The following ADAMTS16 variants were observed in gnomAD, a reference collection of about 807,000 sequenced individuals.
ADAMTS16 encodes the protein A disintegrin and metalloproteinase with thrombospondin motifs 16.
Under a neutral mutation model 145.8 loss-of-function variants are expected in ADAMTS16, and 94 were observed. The ratio of observed to expected loss-of-function variants is 0.64; its 90% CI spans 0.55 to 0.77. The LOEUF (loss-of-function observed/expected upper bound fraction) is 0.77, where lower values mean the gene tolerates loss of function less well. Among genes scored for constraint, ADAMTS16 ranks in the 30% least tolerant of loss-of-function variants. The pLI, the probability that ADAMTS16 is intolerant of heterozygous loss-of-function variation, is 0.00. For missense variants in ADAMTS16, 1,585 were observed against 1,591.5 expected (o/e 1.00, Z 0.07); for synonymous variants, 659 against 604.3 (o/e 1.09, Z -1.33).
intron 3 of ADAMTS16, among the ~76,000 whole-genome samples, chr5:5,165,683 C>T (rs948975076): frequency 6.6e-6 from 1 of 152,192 alleles, no homozygotes; most frequent in African/African-American, 2.4e-5. Context: ...TAAGTGCCAA[C>T]TTGATGAGCT....
At chr5:5,156,399 T>C (rs1734603962) in intron 3 of ADAMTS16, among the ~76,000 whole-genome samples, 1 of 152,212 alleles carries the variant, frequency 6.6e-6, no homozygotes, top group South Asian at 2.1e-4. Context: ...ACAAGACTTC[T>C]GTTGCCTTAC....
intron 11 of ADAMTS16, 184 bp downstream of exon 11, chr5:5,223,068 C>A: frequency 3.6e-6 from 2 of 558,576 alleles, no homozygotes. Context: ...CCTTTTCTCA[C>A]TTTTGTGAAA....
intron 11 of ADAMTS16, among the ~76,000 whole-genome samples, chr5:5,224,493 T>C (rs1736696833): frequency 6.6e-6 from 1 of 152,170 alleles, no homozygotes; most frequent in Non-Finnish European, 1.5e-5. Context: ...TTTCACCATG[T>C]TGGTCAGGCT....
In ADAMTS16 at chr5:5,303,676, C is replaced by T. The variant is rs1392111856; in HGVS notation, c.3096C>T (p.Ser1032=). 1.6e-5 allele frequency: 26 copies of T among 1,613,760 alleles called. No homozygotes were observed. The highest frequency in any genetic ancestry group is 1.3e-4 in the East Asian group (6 of 44,898). Residue 1032 remains serine, a synonymous_variant, in exon 20 of 23, where the codon TCC becomes TCT. Transcript: ENST00000274181. ...AQLLPDAVCT[S]EPKPRMHEAC... ...TGCTGCCCGACGCTGTCTGCACCTC[C>T]GAGCCCAAGCCCAGGATGCATGAAG...
chr5:5,215,196 T>C (rs1034194742), intron 10 of ADAMTS16, among the ~76,000 whole-genome samples: 8 of 152,252 alleles, frequency 5.3e-5, no homozygotes, highest in Non-Finnish European at 1.0e-4. Flanking sequence ...TACATACTTA[T>C]GTATAATATG....
chr5:5,255,390 A>G (rs1401379761), intron 17 of ADAMTS16, among the ~76,000 whole-genome samples: 3 of 152,266 alleles, frequency 2.0e-5, no homozygotes, highest in African/African-American at 7.2e-5. Flanking sequence ...AGAGATTGAA[A>G]GAGTAAAGGC....
At chr5:5,237,923 CACATTGCATGTAGACA>C (rs1027061517) in intron 14 of ADAMTS16, among the ~76,000 whole-genome samples, 3 of 152,170 alleles carry the variant, frequency 2.0e-5, no homozygotes, top group African/African-American at 7.2e-5. Flanking sequence ...GCAGATCAAA[CACATTGCATGTAGACA>C]ATGGGGTTTC....
rs540790480 is a variant in ADAMTS16, at chr5:5,275,717, C to T, written c.2789+12934C>T. Among the ~76,000 whole-genome samples, 11 of 152,252 alleles carry T rather than the reference C, an allele frequency of 7.2e-5. 1 individual carries two copies. The South Asian group carries it at 1.0e-3, about 14-fold the overall frequency. The stretch of plus-strand genomic sequence containing the variant: ...TTTATTTTGTCTGAAATTAACACTA[C>T]GGGCACCAGCTCCATTTATTATTAT... On this transcript the variant is annotated intron_variant, in intron 18 of 22. Transcript: ENST00000274181.
chr5:5,314,163 T>C (rs1027569129), intron 21 of ADAMTS16, among the ~76,000 whole-genome samples: 2 of 152,096 alleles, frequency 1.3e-5, no homozygotes, highest in Admixed American at 1.3e-4. Context: ...TAGTGGAAAG[T>C]TGCAGGGCAG....
At chr5:5,181,939 C>A in intron 3 of ADAMTS16, 105 bp from the exon 4 acceptor site, 2 of 1,317,698 alleles carry the variant, frequency 1.5e-6, no homozygotes, top group Non-Finnish European at 2.1e-6. Flanking sequence ...GAGGGAACAG[C>A]ATGCTTCCAA....
At chr5:5,219,617 T>C (rs1322156273) in intron 10 of ADAMTS16, among the ~76,000 whole-genome samples, 1 of 152,218 alleles carries the variant, frequency 6.6e-6, no homozygotes, top group Non-Finnish European at 1.5e-5. Context: ...TTTTAAGTGT[T>C]GAAAGACAAT....
intron 9 of ADAMTS16, among the ~76,000 whole-genome samples, chr5:5,207,845 T>A (rs994552164): frequency 6.6e-6 from 1 of 152,150 alleles, no homozygotes; most frequent in Non-Finnish European, 1.5e-5. Context: ...TTTAGAATAT[T>A]GAACAGACCT....
rs768978586 is a variant in ADAMTS16 at position 5,303,592 on chromosome 5, G to A, written c.3012G>A (p.Lys1004=). ...PWAECSHTCG[K]GWRKRAVACK... ...TGCAGTGCTCACACACCTGTGGGAA[G>A]GGGTGGAGGAAGCGGGCAGTGGCCT... The change falls in exon 20 of 23, where the codon AAG becomes AAA. Residue 1004 remains lysine (K), a synonymous_variant. Coordinates refer to ENST00000274181, the MANE Select transcript of ADAMTS16 (RefSeq NM_139056.4). 3 of 1,614,072 alleles carry A rather than the reference G, an allele frequency of 1.9e-6. No individual in the cohort carries two copies. The African/African-American group carries it at 4.0e-5, about 22-fold the overall frequency.
chr5:5,307,463 C>T (rs958660185), intron 21 of ADAMTS16, among the ~76,000 whole-genome samples: 1 of 152,150 alleles, frequency 6.6e-6, no homozygotes, highest in Non-Finnish European at 1.5e-5. Context: ...CTGATTCTCT[C>T]CTTTTGGAGA....
intron 3 of ADAMTS16, among the ~76,000 whole-genome samples, chr5:5,150,169 A>G (rs929116688): frequency 9.9e-5 from 15 of 152,128 alleles, no homozygotes; most frequent in Admixed American, 3.3e-4. Flanking sequence ...GAAGTTTCCT[A>G]TTTCTCCACA....
At chr5:5,277,181 T>C (rs1738734650) in intron 18 of ADAMTS16, among the ~76,000 whole-genome samples, 1 of 152,216 alleles carries the variant, frequency 6.6e-6, no homozygotes. Flanking sequence ...TAAGGTAATT[T>C]AAAAGAATAG....
intron 17 of ADAMTS16, among the ~76,000 whole-genome samples, chr5:5,251,280 G>A (rs186480484): frequency 3.5e-4 from 53 of 152,238 alleles, no homozygotes; most frequent in African/African-American, 1.2e-3. Flanking sequence ...CTTTTTCTAT[G>A]TCACTATGTC....
chr5:5,222,051 T>C (rs989793690), intron 10 of ADAMTS16, among the ~76,000 whole-genome samples: 4 of 152,252 alleles, frequency 2.6e-5, no homozygotes, highest in Admixed American at 1.3e-4. Flanking sequence ...CAAGTCCTAC[T>C]GTTTGCCCTT....
intron 10 of ADAMTS16, among the ~76,000 whole-genome samples, chr5:5,210,523 A>G (rs1736246695): frequency 6.6e-6 from 1 of 152,178 alleles, no homozygotes; most frequent in Non-Finnish European, 1.5e-5. Context: ...ATAAGCCAGA[A>G]CCTTCCCTGT....
Sources: gnomAD v4.1 joint callset for allele counts (sites outside exome capture counted in the v4.1 genomes callset) on GRCh38, gnomAD v4.1.1 for gene constraint, MANE v1.5 for transcripts, NCBI Gene and HGNC (gene_info 2026-07-23, HGNC 2026-07-21) for gene names.